The following MAGI3 variants were observed in gnomAD, a reference collection of about 807,000 sequenced individuals.
MAGI3 encodes the protein membrane-associated guanylate kinase, WW and PDZ domain-containing protein 3.
MAGI3 carries 43 observed loss-of-function variants against 121.8 expected under a neutral mutation model. The ratio of observed to expected loss-of-function variants is 0.35; its 90% confidence interval spans 0.28 to 0.46. MAGI3 has a LOEUF of 0.46. Among genes scored for constraint, MAGI3 ranks in the 20% least tolerant of loss-of-function variants. MAGI3 has a pLI of 1.00. For synonymous variants in MAGI3, 553 were observed against 639.3 expected (o/e 0.86, Z 2.04); for missense variants, 1,547 against 1,797.3 (o/e 0.86, Z 2.52).
At chr1:113,410,267 T>C (rs749106061) in intron 1 of MAGI3, among the ~76,000 whole-genome samples, 1 of 152,076 alleles carries the variant, frequency 6.6e-6, no homozygotes, top group Non-Finnish European at 1.5e-5. Flanking sequence ...AAGCCTCTTA[T>C]ATTAGAAGAA....
chr1:113,430,707 T>TCAAAG lies in MAGI3; in HGVS notation c.316+39358_316+39359insCAAAG, dbSNP rs1446739545. ...GTTCTAATAGAAGTATCTCTACATT[T>TCAAAG]AAATGTCTTTGATTTCTTCATCAAC... On this transcript the variant is annotated intron_variant, in intron 1 of 20. Coordinates refer to ENST00000307546, the MANE Select transcript of MAGI3 (RefSeq NM_001142782.2). Among the ~76,000 whole-genome samples the TCAAAG allele has an allele frequency of 4.6e-4, 70 of 152,350 alleles. 2 individuals carry two copies. The highest frequency in any genetic ancestry group is 1.5e-3 in the African/African-American group (61 of 41,590).
chr1:113,681,764 G>A (rs1358191764), intron 20 of MAGI3, among the ~76,000 whole-genome samples: 2 of 152,166 alleles, frequency 1.3e-5, no homozygotes, highest in Non-Finnish European at 2.9e-5. Flanking sequence ...TGAATGCGCA[G>A]CATGAAAACT....
chr1:113,462,346 G>A (rs1557769857), intron 1 of MAGI3, among the ~76,000 whole-genome samples: 1 of 152,190 alleles, frequency 6.6e-6, no homozygotes, highest in Non-Finnish European at 1.5e-5. Flanking sequence ...TAAAGAAAAT[G>A]TGGCACCTAA....
At chr1:113,669,686 C>T (rs1399589739) in intron 16 of MAGI3, among the ~76,000 whole-genome samples, 1 of 152,124 alleles carries the variant, frequency 6.6e-6, no homozygotes, top group Non-Finnish European at 1.5e-5. Context: ...CATGCCACCA[C>T]ACCCAACTAA....
intron 16 of MAGI3, among the ~76,000 whole-genome samples, chr1:113,662,972 T>C (rs1653860728): frequency 2.0e-5 from 3 of 152,176 alleles, no homozygotes; most frequent in Non-Finnish European, 1.5e-5. Flanking sequence ...ATGCCTGTAA[T>C]CCCAGCACTT....
Position 113,600,123 on chromosome 1 carries a change from T to C in MAGI3, c.1018+5563T>C, listed in dbSNP as rs904944451. 9.9e-3 allele frequency among the ~76,000 whole-genome samples: 1,501 copies of C among 152,248 alleles called. 31 individuals carry two copies. The highest frequency in any genetic ancestry group is 0.034 in the African/African-American group (1,397 of 41,548). On this transcript the variant is annotated intron_variant, in intron 6 of 20. Transcript: ENST00000307546. ...AACCCACAACCAATATCATACTGAA[T>C]GGGCAAAAACTGGAAGCATTCCCTT...
At chr1:113,452,910 AGG>A (rs1334486050) in intron 1 of MAGI3, among the ~76,000 whole-genome samples, 1 of 152,226 alleles carries the variant, frequency 6.6e-6, no homozygotes, top group African/African-American at 2.4e-5. Context: ...GCAATATAGC[AGG>A]AAATCTTACT....
rs892188097 is a variant in MAGI3, at chr1:113,643,873, C to G, written c.1998+99C>G. On this transcript the variant is annotated intron_variant, in intron 11 of 20. Transcript: ENST00000307546. ...AGCTCACTGTGGTGATGATTATCGA[C>G]TGGGAGAAGTTAGGAGGCATGCTGC... is the stretch of plus-strand genomic sequence containing the variant. 2.4e-5 allele frequency: 30 copies of G among 1,274,344 alleles called. No individual in the cohort carries two copies. The African/African-American group carries it at 4.5e-4, about 19-fold the overall frequency. 78.9% of individuals were successfully genotyped at this position (1,274,344 alleles called of 1,614,324 possible).
Position 113,400,033 on chromosome 1 carries a change from A to T in MAGI3, c.316+8684A>T, listed in dbSNP as rs1570617120. 3.9e-5 allele frequency among the ~76,000 whole-genome samples: 6 copies of T among 152,252 alleles called. 2 individuals carry two copies. The highest frequency in any genetic ancestry group is 3.9e-4 in the Admixed American group (6 of 15,282). ...GAACTACTTCACTGACTCTTATATA[A>T]AATGGGTATATAAGAGTTTTGAAAC... On this transcript the variant is annotated intron_variant, in intron 1 of 20. Transcript: ENST00000307546.
At position 113,428,173 on chromosome 1, in the gene MAGI3, T is replaced by C. The variant is rs189806599; in HGVS notation, c.316+36824T>C. ...GTGTAGTTCAACTTGTTGTTAAAAA[T>C]GATTAATACTTTCTGAATTCTGCTT... On this transcript the variant is annotated intron_variant, in intron 1 of 20. Transcript: ENST00000307546. 1.6e-4 allele frequency among the ~76,000 whole-genome samples: 25 copies of C among 152,352 alleles called. No individual in the cohort carries two copies. The East Asian group carries it at 4.8e-3, about 29-fold the overall frequency.
intron 1 of MAGI3, among the ~76,000 whole-genome samples, chr1:113,428,070 A>G (rs1009057363): frequency 3.9e-5 from 6 of 152,006 alleles, no homozygotes; most frequent in Admixed American, 2.0e-4. Flanking sequence ...CTCTGCTCTA[A>G]TGGCTTTTTT....
intron 1 of MAGI3, among the ~76,000 whole-genome samples, chr1:113,492,693 G>A (rs528386249): frequency 2.0e-5 from 3 of 152,242 alleles, no homozygotes; most frequent in Admixed American, 2.0e-4. Flanking sequence ...CACAAATTCA[G>A]CAAGGTCTCA....
chr1:113,653,593 A>G (rs1220631105), intron 14 of MAGI3, among the ~76,000 whole-genome samples: 2 of 152,066 alleles, frequency 1.3e-5, no homozygotes, highest in Admixed American at 1.3e-4. Flanking sequence ...AAAATGAGAT[A>G]ACATGAGATT....
At chr1:113,675,033 G>GA (rs1205307411) in intron 19 of MAGI3, among the ~76,000 whole-genome samples, 1 of 152,188 alleles carries the variant, frequency 6.6e-6, no homozygotes, top group Non-Finnish European at 1.5e-5. Flanking sequence ...ATTTTATTTA[G>GA]AAAATGCGTA....
At chr1:113,581,263 T>G (rs1648004992) in intron 3 of MAGI3, among the ~76,000 whole-genome samples, 1 of 152,062 alleles carries the variant, frequency 6.6e-6, no homozygotes. Flanking sequence ...TATGGTCCAT[T>G]ATTGCTTTTT....
At chr1:113,660,391 C>G (rs1215525693) in intron 16 of MAGI3, among the ~76,000 whole-genome samples, 1 of 152,016 alleles carries the variant, frequency 6.6e-6, no homozygotes, top group Non-Finnish European at 1.5e-5. Flanking sequence ...TGATTTTGCT[C>G]TCAGCCTTTT....
intron 16 of MAGI3, among the ~76,000 whole-genome samples, chr1:113,662,995 G>A (rs571749444): frequency 6.6e-6 from 1 of 152,238 alleles, no homozygotes; most frequent in East Asian, 1.9e-4. Context: ...GGAGGCCAAG[G>A]CAGGCGGATC....
chr1:113,509,572 G>A (rs1366987306), intron 1 of MAGI3, among the ~76,000 whole-genome samples: 1 of 124,936 alleles, frequency 8.0e-6, no homozygotes, highest in Non-Finnish European at 1.6e-5. Context: ...TACTGAGACC[G>A]ACAGGACAGC....
At chr1:113,639,268 C>G (rs1570981414) in intron 9 of MAGI3, among the ~76,000 whole-genome samples, 1 of 152,362 alleles carries the variant, frequency 6.6e-6, no homozygotes, top group East Asian at 1.9e-4. Flanking sequence ...CTGGCACTCC[C>G]TAGTGAGATG....
Sources: gnomAD v4.1 joint callset for allele counts (sites outside exome capture counted in the v4.1 genomes callset) on GRCh38, gnomAD v4.1.1 for gene constraint, MANE v1.5 for transcripts, NCBI Gene and HGNC (gene_info 2026-07-23, HGNC 2026-07-21) for gene names.